Variants in SPIDR observed in about 807,000 individuals in gnomAD.
SPIDR encodes DNA repair-scaffolding protein.
SPIDR carries 93 observed loss-of-function variants against 104.6 expected under a neutral mutation model. The observed-to-expected ratio is 0.89, with a 90% CI of 0.75 to 1.06. SPIDR has a LOEUF of 1.06. Among genes scored for constraint, SPIDR ranks in the 50% least tolerant of loss-of-function variants. SPIDR has a pLI of 0.00. For missense variants in SPIDR, 1,154 were observed against 1,111.2 expected, an observed-to-expected ratio of 1.04 and a Z score of -0.55; for synonymous variants, 431 against 416.9, an observed-to-expected ratio of 1.03 and a Z score of -0.41.
chr8:47,732,402 C>T (rs567426129), intron 19 of SPIDR, among the ~76,000 whole-genome samples: 2 of 152,332 alleles, frequency 1.3e-5, no homozygotes, highest in South Asian at 2.1e-4. Flanking sequence ...ATGCTGGACA[C>T]ATGCGTACAT....
chr8:47,355,354 AGC>A (rs2054338355), intron 5 of SPIDR, among the ~76,000 whole-genome samples: 1 of 134,740 alleles, frequency 7.4e-6, no homozygotes. Context: ...TCTGGTAATT[AGC>A]ATTTTTGTGA....
chr8:47,375,037 A>G (rs1264815623), intron 5 of SPIDR, among the ~76,000 whole-genome samples: 17 of 151,970 alleles, frequency 1.1e-4, no homozygotes, highest in Admixed American at 1.1e-3. Flanking sequence ...CCTGGGCAAC[A>G]GAGCAAGACT....
At chr8:47,619,001 G>A (rs1399063654) in intron 10 of SPIDR, among the ~76,000 whole-genome samples, 2 of 152,250 alleles carry the variant, frequency 1.3e-5, no homozygotes, top group Non-Finnish European at 1.5e-5. Context: ...TACACAAGAA[G>A]CTGGCAACTT....
intron 8 of SPIDR, among the ~76,000 whole-genome samples, chr8:47,452,180 A>G (rs2071908777): frequency 6.6e-6 from 1 of 152,200 alleles, no homozygotes; most frequent in Non-Finnish European, 1.5e-5. Flanking sequence ...GAGAGAGGCA[A>G]CTTGCTACGT....
intron 6 of SPIDR, among the ~76,000 whole-genome samples, chr8:47,400,778 C>T (rs1280786091): frequency 1.3e-5 from 2 of 150,262 alleles, no homozygotes; most frequent in Non-Finnish European, 2.9e-5. Context: ...AATAATAAAG[C>T]TATATATATC....
At chr8:47,310,946 C>A (rs115637449) in intron 5 of SPIDR, among the ~76,000 whole-genome samples, 1,744 of 152,232 alleles carry the variant, frequency 0.011, 35 homozygotes, top group African/African-American at 0.04. Context: ...TAGACACACA[C>A]ATACACAAAC....
At chr8:47,497,740 A>G (rs938888374) in intron 8 of SPIDR, among the ~76,000 whole-genome samples, 1 of 152,140 alleles carries the variant, frequency 6.6e-6, no homozygotes. Context: ...TAGTTCTACA[A>G]GGGTAAAGGG....
intron 5 of SPIDR, among the ~76,000 whole-genome samples, chr8:47,342,040 A>G (rs2154275762): frequency 6.6e-6 from 1 of 152,308 alleles, no homozygotes; most frequent in African/African-American, 2.4e-5. Context: ...ATCTCGAAAA[A>G]GATATTTTAT....
intron 10 of SPIDR, among the ~76,000 whole-genome samples, chr8:47,633,926 C>A (rs1219682395): frequency 6.6e-6 from 1 of 151,876 alleles, no homozygotes; most frequent in African/African-American, 2.4e-5. Flanking sequence ...AACCTGATCT[C>A]TACCAAAAAT....
intron 5 of SPIDR, among the ~76,000 whole-genome samples, chr8:47,385,892 T>C (rs1429210182): frequency 6.6e-6 from 1 of 152,228 alleles, no homozygotes; most frequent in Non-Finnish European, 1.5e-5. Flanking sequence ...AATTTTTATG[T>C]GGTCTGTCAT....
intron 5 of SPIDR, among the ~76,000 whole-genome samples, chr8:47,296,512 T>A (rs2154242257): frequency 6.6e-6 from 1 of 152,326 alleles, no homozygotes; most frequent in Admixed American, 6.5e-5. Context: ...CACAATTTAT[T>A]GAGGATTGTC....
At chr8:47,343,870 G>T (rs72644597) in intron 5 of SPIDR, among the ~76,000 whole-genome samples, 13,425 of 152,042 alleles carry the variant, frequency 0.088, 756 homozygotes, top group African/African-American at 0.16. Flanking sequence ...TTGTCCTTCG[G>T]GGGGGAAAAG....
chr8:47,408,699 A>C (rs2063091773), intron 7 of SPIDR, among the ~76,000 whole-genome samples: 1 of 152,190 alleles, frequency 6.6e-6, no homozygotes, highest in Admixed American at 6.6e-5. Context: ...AAACCCTATA[A>C]GACACCCTGC....
At chr8:47,487,246 A>T (rs992881310) in intron 8 of SPIDR, among the ~76,000 whole-genome samples, 8 of 152,194 alleles carry the variant, frequency 5.3e-5, no homozygotes, top group Non-Finnish European at 1.0e-4. Context: ...CAAAGATGAA[A>T]AGAGACAAAG....
chr8:47,454,805 A>T (rs1359866371), intron 8 of SPIDR, among the ~76,000 whole-genome samples: 2 of 152,090 alleles, frequency 1.3e-5, no homozygotes, highest in African/African-American at 4.8e-5. Flanking sequence ...ACTTGAGGCT[A>T]CAGTGTGCTA....
chr8:47,268,909 G>A (rs2034657718), intron 1 of SPIDR, among the ~76,000 whole-genome samples: 1 of 152,178 alleles, frequency 6.6e-6, no homozygotes, highest in African/African-American at 2.4e-5. Context: ...GCTCACACCA[G>A]TAATCCCAGC....
chr8:47,447,493 C>T (rs781840375), intron 8 of SPIDR, among the ~76,000 whole-genome samples: 3 of 152,110 alleles, frequency 2.0e-5, no homozygotes, highest in Non-Finnish European at 4.4e-5. Context: ...GGACTACAGG[C>T]GTGAGCCACC....
intron 10 of SPIDR, among the ~76,000 whole-genome samples, chr8:47,617,240 T>A (rs2064450702): frequency 6.6e-6 from 1 of 152,218 alleles, no homozygotes; most frequent in African/African-American, 2.4e-5. Flanking sequence ...AAGCTATTTT[T>A]AAACTCCCAT....
chr8:47,405,013 C>G (rs1554666393), intron 6 of SPIDR, among the ~76,000 whole-genome samples: 1 of 152,112 alleles, frequency 6.6e-6, no homozygotes, highest in Admixed American at 6.6e-5. Flanking sequence ...CCATGGAGTG[C>G]TATGCAGCTG....
Sources: allele counts gnomAD v4.1 joint callset (sites outside exome capture counted in the v4.1 genomes callset), GRCh38; gene constraint gnomAD v4.1.1; transcripts MANE v1.5; gene names NCBI Gene and HGNC (gene_info 2026-07-23, HGNC 2026-07-21).